The following EVC2 variants were observed in gnomAD, a reference collection of about 807,000 sequenced individuals.
The protein encoded by EVC2 is EvC ciliary complex subunit 2.
In EVC2, 148 loss-of-function variants were observed where a neutral mutation model predicts 149.3. The ratio of observed to expected loss-of-function variants is 0.99; its 90% CI spans 0.87 to 1.14. EVC2 has a LOEUF of 1.14. EVC2 is among the 50% of genes most tolerant of loss of function. The probability of loss-of-function intolerance (pLI) is 0.00; values close to 1 mark genes in which losing one functional copy is unlikely to be tolerated. For missense variants in EVC2, 1,854 were observed against 1,627.3 expected, an observed-to-expected ratio of 1.14 and a Z score of -2.40; for synonymous variants, 776 against 649.9, an observed-to-expected ratio of 1.19 and a Z score of -2.95.
At chr4:5,628,450 A>G in intron 12 of EVC2, 109 bp downstream of exon 12, 1 of 1,414,796 alleles carries the variant, frequency 7.1e-7, no homozygotes, top group Non-Finnish European at 9.7e-7. Flanking sequence ...AGAACTATGA[A>G]CCAAATATAT....
chr4:5,608,822 G>A (rs1036709473), intron 16 of EVC2, among the ~76,000 whole-genome samples: 3 of 152,048 alleles, frequency 2.0e-5, no homozygotes, highest in African/African-American at 4.8e-5. Flanking sequence ...CATGAGCCAC[G>A]GTGCCAGCCT....
At chr4:5,628,838 CAAG>C (rs1716324752) in intron 11 of EVC2, 104 bp from the exon 12 acceptor site, 2 of 1,217,866 alleles carry the variant, frequency 1.6e-6, no homozygotes, top group African/African-American at 1.5e-5. Context: ...AGAAAATACA[CAAG>C]AAAAGAAACA....
intron 9 of EVC2, among the ~76,000 whole-genome samples, chr4:5,647,354 T>G (rs1389245380): frequency 6.6e-6 from 1 of 152,196 alleles, no homozygotes; most frequent in Non-Finnish European, 1.5e-5. Flanking sequence ...TTGGTAGGTT[T>G]TGATCAACTG....
rs540988006 is a variant in EVC2 at position 5,581,512 on chromosome 4, T to C, written c.3057+3111A>G. Reference sequence around the variant, plus strand: ...ATTGTGCCCCTACTCTAGAGATCTGTGGAATTTTTAATTTGAGAGTGATGA... The same window carrying C: ...ATTGTGCCCCTACTCTAGAGATCTGCGGAATTTTTAATTTGAGAGTGATGA... On this transcript the variant is annotated intron_variant, in intron 17 of 21. Transcript: ENST00000344408. Among the ~76,000 whole-genome samples the C allele has an allele frequency of 9.2e-5, 14 of 152,318 alleles. No homozygotes were observed. In the East Asian group the frequency reaches 2.7e-3, roughly 29 times the overall value.
At chr4:5,538,540 T>C (rs144887720), downstream of EVC2, among the ~76,000 whole-genome samples, 15 of 152,200 alleles carry the variant, frequency 9.9e-5, no homozygotes, top group Non-Finnish European at 2.1e-4. Flanking sequence ...AGATCAATAT[T>C]CCTCGTGAAC....
At chr4:5,535,601 AAGAGAGAGAGAG>A in the EVC2 span, among the ~76,000 whole-genome samples, 2 of 118,254 alleles carry the variant, frequency 1.7e-5, no homozygotes, top group Admixed American at 8.4e-5. This position sits in a 1 kb window ranked among gnomAD's most constrained non-coding sequence, Gnocchi z 4.7. Context: ...CATGCTTAGA[AAGAGAGAGAGAG>A]AGAGAGAGAG....
intron 17 of EVC2, among the ~76,000 whole-genome samples, chr4:5,583,586 C>G (rs1711996797): frequency 6.6e-6 from 1 of 151,924 alleles, no homozygotes; most frequent in South Asian, 2.1e-4. Flanking sequence ...TGGTGATTTG[C>G]ATTTTTCTAG....
intron 10 of EVC2, among the ~76,000 whole-genome samples, chr4:5,632,659 T>C (rs1560181414): frequency 6.6e-6 from 1 of 152,044 alleles, no homozygotes; most frequent in Admixed American, 6.6e-5. Context: ...TGGAGATCCT[T>C]TGGGTAAAGA....
At chr4:5,581,852 C>T (rs2108784916) in intron 17 of EVC2, among the ~76,000 whole-genome samples, 1 of 152,338 alleles carries the variant, frequency 6.6e-6, no homozygotes, top group South Asian at 2.1e-4. Context: ...GGACCCTGCT[C>T]CCTGCATCCA....
chr4:5,605,048 C>T (rs1216432709), intron 16 of EVC2, among the ~76,000 whole-genome samples: 1 of 152,112 alleles, frequency 6.6e-6, no homozygotes, highest in East Asian at 1.9e-4. Context: ...TATACTTTCT[C>T]TTCCTCATGA....
Position 5,700,049 on chromosome 4 carries a change from A to G in EVC2, c.229-2402T>C, listed in dbSNP as rs113553965. 5.0e-3 allele frequency among the ~76,000 whole-genome samples: 763 copies of G among 152,246 alleles called. 2 individuals are homozygous for G. Among genetic ancestry groups the G allele is most frequent in the Middle Eastern group, 0.014 (4 of 294 alleles). On this transcript the variant is annotated intron_variant, in intron 1 of 21. Transcript: ENST00000344408. ...CAGCTACTTGGGAGGCTGAAGCAGG[A>G]GAATCACTTGAACCCAGGAGGCAGA...
Position 5,596,192 on chromosome 4 carries a change from C to T in EVC2, c.2830-11342G>A, listed in dbSNP as rs191754861. Among the ~76,000 whole-genome samples the T allele has an allele frequency of 9.3e-3, 1,420 of 152,192 alleles. 19 individuals carry two copies. The highest frequency in any genetic ancestry group is 0.029 in the African/African-American group (1,206 of 41,510). Reference sequence around the variant, plus strand: ...GAAAGTTAACAAGGATACCCAGGAACTGAACTCAGCTCTGCACCAAGCGGA... The same window carrying T: ...GAAAGTTAACAAGGATACCCAGGAATTGAACTCAGCTCTGCACCAAGCGGA... On this transcript the variant is annotated intron_variant, in intron 16 of 21. Transcript: ENST00000344408.
Position 5,564,924 on chromosome 4 carries a change from G to A in EVC2, c.3659+334C>T, listed in dbSNP as rs140714919. On this transcript the variant is annotated intron_variant, in intron 21 of 21. Coordinates refer to ENST00000344408, the MANE Select transcript of EVC2 (RefSeq NM_147127.5). ...TCCATTTTATCATCCCCACTTTCTG[G>A]AAGGCTCAATGCAGCAAGACATGAA... 0.011 allele frequency among the ~76,000 whole-genome samples: 1,683 copies of A among 152,308 alleles called. 17 individuals carry two copies. Among genetic ancestry groups the A allele is most frequent in the Middle Eastern group, 0.024 (7 of 294 alleles).
Position 5,691,274 on chromosome 4 carries a change from T to C in EVC2, c.510A>G (p.Lys170=), listed in dbSNP as rs1332771862. 5 of 1,613,468 alleles carry C rather than the reference T, an allele frequency of 3.1e-6. No homozygotes were observed. In the African/African-American group the frequency reaches 6.7e-5, roughly 22 times the overall value. ...ACCAGTGGAAACTTACCAGTGCACA[T>C]TTCTGAAAAATTACTCCATTTTCAG... is the stretch of plus-strand genomic sequence containing the variant. ...GTSENGVIFQ[K]CALVSGSSEA... Residue 170 remains lysine (K), a synonymous_variant, in exon 4 of 22, where the codon AAA becomes AAG. Coordinates refer to ENST00000344408, the MANE Select transcript of EVC2 (RefSeq NM_147127.5).
At chr4:5,593,617 G>A (rs372662792) in intron 16 of EVC2, among the ~76,000 whole-genome samples, 80 of 152,274 alleles carry the variant, frequency 5.3e-4, no homozygotes, top group Non-Finnish European at 1.0e-3. Flanking sequence ...GAACAGCTCC[G>A]GTCTACAGCT....
chr4:5,679,162 G>A lies in EVC2; in HGVS notation c.870+2098C>T, dbSNP rs1055620097. 3.9e-4 allele frequency among the ~76,000 whole-genome samples: 60 copies of A among 152,152 alleles called. No homozygotes were observed. The highest frequency in any genetic ancestry group is 6.5e-5 in the Admixed American group (1 of 15,276). On this transcript the variant is annotated intron_variant, in intron 7 of 21. Coordinates refer to ENST00000344408, the MANE Select transcript of EVC2 (RefSeq NM_147127.5). The surrounding 1 kb of genome is among the most constrained non-coding windows in gnomAD (Gnocchi z 5.1). The stretch of plus-strand genomic sequence containing the variant: ...GGGCCAGTCAGTGAGTGAGTGGTGA[G>A]TGAATGTGAAGGCGTAGGGTATGAC...
In EVC2 at chr4:5,604,835, A is replaced by G. The variant is rs116055141; in HGVS notation, c.2829+10587T>C. Among the ~76,000 whole-genome samples the G allele has an allele frequency of 3.3e-3, 496 of 151,964 alleles. 2 individuals carry two copies. The highest frequency in any genetic ancestry group is 4.0e-3 in the Non-Finnish European group (275 of 67,968). On this transcript the variant is annotated intron_variant, in intron 16 of 21. Coordinates refer to ENST00000344408, the MANE Select transcript of EVC2 (RefSeq NM_147127.5). ...CATAAATATGTACCAATATTGTATC[A>G]GTTAAAATATTTTAAGTTACACTGA... is the stretch of plus-strand genomic sequence containing the variant.
intron 1 of EVC2, among the ~76,000 whole-genome samples, chr4:5,706,679 G>A (rs1054721122): frequency 2.0e-5 from 3 of 152,062 alleles, no homozygotes; most frequent in East Asian, 3.9e-4. Context: ...CCAAGGCAGG[G>A]ACACACATGG....
At chr4:5,658,687 A>G (rs535442173) in intron 9 of EVC2, among the ~76,000 whole-genome samples, 22 of 152,382 alleles carry the variant, frequency 1.4e-4, no homozygotes, top group African/African-American at 4.1e-4. Flanking sequence ...TCAGTAGAAG[A>G]AAAGATTGAA....
Sources: gnomAD v4.1 joint callset for allele counts (sites outside exome capture counted in the v4.1 genomes callset) on GRCh38, gnomAD v4.1.1 for gene constraint, Gnocchi (gnomAD v3.1) non-coding constraint, MANE v1.5 for transcripts, NCBI Gene and HGNC (gene_info 2026-07-23, HGNC 2026-07-21) for gene names.